Variants in ST18 observed in about 807,000 individuals in gnomAD.
The protein encoded by ST18 is ST18 C2H2C-type zinc finger transcription factor, also known as suppression of tumorigenicity 18 protein.
Under a neutral mutation model 110.0 loss-of-function variants are expected in ST18, and 50 were observed. The ratio of observed to expected loss-of-function variants is 0.45; its 90% CI spans 0.36 to 0.58. The LOEUF (loss-of-function observed/expected upper bound fraction) is 0.58, where lower values mean the gene tolerates loss of function less well. Among genes scored for constraint, ST18 ranks in the 20% least tolerant of loss-of-function variants. The pLI is 0.00. For synonymous variants in ST18, 461 were observed against 452.4 expected (o/e 1.02, Z -0.24); for missense variants, 1,306 against 1,280.1 (o/e 1.02, Z -0.31).
intron 13 of ST18, 141 bp downstream of exon 13, chr8:52,163,845 T>C (rs2062084207): frequency 2.2e-5 from 13 of 581,576 alleles, no homozygotes. Flanking sequence ...TCTGGTCTAG[T>C]GGAGTGGGCT....
At chr8:52,365,819 C>T (rs1342118051) in intron 2 of ST18, among the ~76,000 whole-genome samples, 2 of 152,014 alleles carry the variant, frequency 1.3e-5, no homozygotes, top group Non-Finnish European at 1.5e-5. Flanking sequence ...CCACCTCAGC[C>T]TCCTGAGTAG....
At chr8:52,205,769 T>C (rs2079784323) in intron 8 of ST18, among the ~76,000 whole-genome samples, 1 of 152,030 alleles carries the variant, frequency 6.6e-6, no homozygotes. Context: ...GGTTTCACCA[T>C]GTTGGCCAAG....
chr8:52,307,851 T>C (rs2095840069), intron 2 of ST18, among the ~76,000 whole-genome samples: 1 of 152,202 alleles, frequency 6.6e-6, no homozygotes, highest in Non-Finnish European at 1.5e-5. Flanking sequence ...ACGTATAACT[T>C]GATTGACTAC....
At chr8:52,279,996 AT>A (rs2095344970) in intron 2 of ST18, among the ~76,000 whole-genome samples, 1 of 152,142 alleles carries the variant, frequency 6.6e-6, no homozygotes, top group South Asian at 2.1e-4. Context: ...CTCACACCTT[AT>A]TTTGGGGGAA....
chr8:52,316,768 T>C (rs1417378376), intron 2 of ST18, among the ~76,000 whole-genome samples: 1 of 152,230 alleles, frequency 6.6e-6, no homozygotes, highest in Non-Finnish European at 1.5e-5. Flanking sequence ...AGCTCAGTGG[T>C]CATGTGCTGT....
At chr8:52,236,960 T>C (rs1474810865) in intron 2 of ST18, among the ~76,000 whole-genome samples, 2 of 152,320 alleles carry the variant, frequency 1.3e-5, no homozygotes, top group African/African-American at 4.8e-5. Context: ...ACACACTCTG[T>C]CTCTCAAGTA....
At position 52,386,720 on chromosome 8, in the gene ST18, T is replaced by C. The variant is rs554334263; in HGVS notation, c.-465+22608A>G. Reference sequence around the variant, plus strand: ...TATAAGCCTGCTAACTCTAGAGACGTCAAAGCATTGCCTTAGTGGAGTTTG... The same window carrying C: ...TATAAGCCTGCTAACTCTAGAGACGCCAAAGCATTGCCTTAGTGGAGTTTG... On this transcript the variant is annotated intron_variant, in intron 2 of 25. Coordinates refer to ENST00000689386, the MANE Select transcript of ST18 (RefSeq NM_001352837.2). 2.0e-5 allele frequency among the ~76,000 whole-genome samples: 3 copies of C among 152,260 alleles called. No individual in the cohort carries two copies. In the South Asian group the frequency reaches 6.2e-4, roughly 32 times the overall value.
intron 22 of ST18, among the ~76,000 whole-genome samples, chr8:52,127,995 G>A (rs1463113997): frequency 1.3e-5 from 2 of 151,094 alleles, no homozygotes; most frequent in Non-Finnish European, 3.0e-5. Flanking sequence ...TTTGAGGCGG[G>A]GTCTCACCAA....
intron 2 of ST18, among the ~76,000 whole-genome samples, chr8:52,306,525 T>C (rs1038049208): frequency 6.6e-6 from 1 of 152,134 alleles, no homozygotes; most frequent in Non-Finnish European, 1.5e-5. Context: ...AGGCAAGGGG[T>C]ACATAGTAAG....
intron 17 of ST18, among the ~76,000 whole-genome samples, chr8:52,140,386 CG>C (rs978595294): frequency 4.6e-5 from 7 of 151,930 alleles, no homozygotes; most frequent in African/African-American, 1.7e-4. Context: ...AAAAATTAGC[CG>C]GGTGTGGTGG....
rs2086338253 is a variant in ST18, at chr8:52,220,765, T to C, written c.-181A>G. 1 of 152,188 alleles carries C rather than the reference T, an allele frequency of 6.6e-6. No homozygotes were observed. Among genetic ancestry groups the C allele is most frequent in the African/African-American group, 2.4e-5 (1 of 41,456 alleles). 9.4% of individuals were successfully genotyped at this position (152,188 alleles called of 1,614,324 possible). A position where few individuals can be genotyped will look rare whatever the true frequency, so the allele number is the denominator to read the frequency against. ...CCTCTCTTTTTCTCCAGGTAACTTG[T>C]ATGTCAACTCAGTTTGCCCTGCTGT... On this transcript the variant is annotated 5_prime_UTR_variant, in exon 5 of 26. In the 5' UTR this introduces an upstream ATG that the reference lacks. Transcript: ENST00000689386.
intron 8 of ST18, among the ~76,000 whole-genome samples, chr8:52,184,228 C>G (rs2071062409): frequency 6.6e-6 from 1 of 152,092 alleles, no homozygotes; most frequent in African/African-American, 2.4e-5. Context: ...CTATATTTTT[C>G]TAGTAGATGA....
chr8:52,257,007 C>T (rs2094547450), intron 2 of ST18, among the ~76,000 whole-genome samples: 1 of 152,112 alleles, frequency 6.6e-6, no homozygotes, highest in Non-Finnish European at 1.5e-5. Flanking sequence ...CTATTTCCGT[C>T]TTTGTAAATT....
At chr8:52,268,069 A>C (rs1167362400) in intron 2 of ST18, among the ~76,000 whole-genome samples, 2 of 152,212 alleles carry the variant, frequency 1.3e-5, no homozygotes, top group Non-Finnish European at 2.9e-5. Flanking sequence ...GAAGAATAGA[A>C]TGCATTAGGA....
At chr8:52,375,739 C>T (rs957636628) in intron 2 of ST18, among the ~76,000 whole-genome samples, 1 of 152,180 alleles carries the variant, frequency 6.6e-6, no homozygotes, top group Non-Finnish European at 1.5e-5. Context: ...CAGCACTCCA[C>T]ACTCACATCG....
intron 2 of ST18, among the ~76,000 whole-genome samples, chr8:52,353,482 G>T (rs564139768): frequency 6.6e-6 from 1 of 152,280 alleles, no homozygotes; most frequent in South Asian, 2.1e-4. Flanking sequence ...TGCCTTTGCT[G>T]CCAGAAAGTT....
chr8:52,391,164 T>A (rs1409770356), intron 2 of ST18, among the ~76,000 whole-genome samples: 1 of 152,188 alleles, frequency 6.6e-6, no homozygotes, highest in Non-Finnish European at 1.5e-5. Context: ...GCGCCTCTGC[T>A]CTTTCACCCC....
At chr8:52,321,765 AT>A (rs1486531439) in intron 2 of ST18, among the ~76,000 whole-genome samples, 2 of 152,220 alleles carry the variant, frequency 1.3e-5, no homozygotes, top group African/African-American at 2.4e-5. Context: ...GATTTAATGT[AT>A]TTTAAGTATG....
At chr8:52,210,081 C>G (rs2081617327) in intron 8 of ST18, 1 of 455,974 alleles carries the variant, frequency 2.2e-6, no homozygotes, top group South Asian at 1.5e-5. Flanking sequence ...GTGTCCCTCA[C>G]CAGGTAAGTG....
Sources: gnomAD v4.1 joint callset for allele counts (sites outside exome capture counted in the v4.1 genomes callset) on GRCh38, gnomAD v4.1.1 for gene constraint, MANE v1.5 for transcripts, NCBI Gene and HGNC (gene_info 2026-07-23, HGNC 2026-07-21) for gene names.